Variants in PIK3C2G observed in about 807,000 individuals in gnomAD.
PIK3C2G encodes phosphatidylinositol 3-kinase C2 domain-containing subunit gamma.
A neutral mutation model predicts 181.1 loss-of-function variants in PIK3C2G; 168 were observed. The ratio of observed to expected loss-of-function variants is 0.93; its 90% confidence interval spans 0.82 to 1.05. PIK3C2G has a LOEUF of 1.05. Ranked by LOEUF, PIK3C2G falls within the 50% of genes least tolerant of loss-of-function variation. The pLI is 0.00. For synonymous variants in PIK3C2G, 573 were observed against 592.2 expected (o/e 0.97, Z 0.47); for missense variants, 1,869 against 1,732.8 (o/e 1.08, Z -1.40).
chr12:18,283,184 G>GA (rs1017483562), intron 2 of PIK3C2G, among the ~76,000 whole-genome samples: 3 of 152,082 alleles, frequency 2.0e-5, no homozygotes, highest in African/African-American at 4.8e-5. Flanking sequence ...TTATTGGTAG[G>GA]AAAAAATGCC....
the PIK3C2G span, among the ~76,000 whole-genome samples, chr12:18,711,328 G>C: frequency 7.7e-6 from 1 of 130,602 alleles, no homozygotes; most frequent in South Asian, 2.5e-4. Context: ...GGTGGGAATT[G>C]AACAATGAGA....
intron 26 of PIK3C2G, among the ~76,000 whole-genome samples, chr12:18,557,558 T>C (rs11044182): frequency 0.015 from 2,227 of 152,218 alleles, 62 homozygotes; most frequent in African/African-American, 0.051. Flanking sequence ...CATTGAAAGT[T>C]TTTCCTTTGT....
intron 29 of PIK3C2G, among the ~76,000 whole-genome samples, chr12:18,592,954 C>T (rs574389690): frequency 1.3e-5 from 2 of 152,028 alleles, no homozygotes; most frequent in East Asian, 3.9e-4. Context: ...TATTGTTTCA[C>T]AGTTCTGGAA....
At chr12:18,506,252 T>C (rs767408878) in intron 24 of PIK3C2G, among the ~76,000 whole-genome samples, 21 of 151,742 alleles carry the variant, frequency 1.4e-4, no homozygotes, top group Non-Finnish European at 2.4e-4. Context: ...AGTCTGGAGA[T>C]GGGATGGAGA....
chr12:18,499,233 G>T (rs900223983), intron 22 of PIK3C2G, among the ~76,000 whole-genome samples: 8 of 152,204 alleles, frequency 5.3e-5, no homozygotes, highest in Non-Finnish European at 1.5e-5. Flanking sequence ...ATAGCTGTAA[G>T]ATTTCAGAGG....
chr12:18,565,573 A>C (rs1432698676), intron 28 of PIK3C2G, among the ~76,000 whole-genome samples: 1 of 152,148 alleles, frequency 6.6e-6, no homozygotes, highest in Non-Finnish European at 1.5e-5. Context: ...GATGTTTTCT[A>C]ATCTTTGTTG....
intron 16 of PIK3C2G, among the ~76,000 whole-genome samples, chr12:18,416,189 G>A (rs1463341923): frequency 2.0e-5 from 3 of 152,106 alleles, no homozygotes; most frequent in African/African-American, 7.2e-5. Flanking sequence ...AGGTTGCAGT[G>A]GGCTGAGATT....
the PIK3C2G span, chr12:18,683,032 C>A: frequency 3.1e-5 from 17 of 552,678 alleles, no homozygotes; most frequent in Non-Finnish European, 5.1e-5. Context: ...CAAACAAGAA[C>A]GCCATGCTGG....
intron 18 of PIK3C2G, among the ~76,000 whole-genome samples, chr12:18,434,225 T>C (rs1946319995): frequency 1.3e-5 from 2 of 152,176 alleles, no homozygotes; most frequent in Non-Finnish European, 2.9e-5. Flanking sequence ...TTGGGAGACT[T>C]TTTTATAAGG....
At chr12:18,484,755 G>C (rs1740006317) in intron 18 of PIK3C2G, among the ~76,000 whole-genome samples, 1 of 152,070 alleles carries the variant, frequency 6.6e-6, no homozygotes, top group African/African-American at 2.4e-5. Flanking sequence ...GTAAAATAAA[G>C]TTGCTAACGC....
At chr12:18,663,938 G>T in the PIK3C2G span, among the ~76,000 whole-genome samples, 1 of 152,098 alleles carries the variant, frequency 6.6e-6, no homozygotes, top group Non-Finnish European at 1.5e-5. Context: ...ATAGGCTATG[G>T]ACTTGAATAG....
intron 29 of PIK3C2G, among the ~76,000 whole-genome samples, chr12:18,580,585 G>T (rs531630096): frequency 6.6e-6 from 1 of 152,108 alleles, no homozygotes; most frequent in Non-Finnish European, 1.5e-5. Flanking sequence ...GTAAAGCCAA[G>T]ATTACTTTAC....
At chr12:18,704,622 G>A in the PIK3C2G span, among the ~76,000 whole-genome samples, 18 of 151,980 alleles carry the variant, frequency 1.2e-4, no homozygotes, top group Admixed American at 3.3e-4. Context: ...TCACTGCACC[G>A]GGCCATAGAG....
chr12:18,657,796 A>G, the PIK3C2G span, among the ~76,000 whole-genome samples: 4 of 152,184 alleles, frequency 2.6e-5, no homozygotes, highest in South Asian at 8.3e-4. Context: ...TGTGCAAATA[A>G]TAAGAAAGTA....
intron 31 of PIK3C2G, among the ~76,000 whole-genome samples, chr12:18,623,448 A>G (rs1211573850): frequency 6.6e-6 from 1 of 151,794 alleles, no homozygotes; most frequent in African/African-American, 2.4e-5. Flanking sequence ...ATTTTGTTGT[A>G]TAGTTTGAAA....
At chr12:18,558,365 G>T (rs984042089) in intron 26 of PIK3C2G, among the ~76,000 whole-genome samples, 9 of 152,128 alleles carry the variant, frequency 5.9e-5, no homozygotes, top group Non-Finnish European at 1.2e-4. Context: ...TAGAAAGATT[G>T]TTCAGTCATT....
intron 18 of PIK3C2G, among the ~76,000 whole-genome samples, chr12:18,478,835 C>T (rs553389110): frequency 2.0e-5 from 3 of 151,850 alleles, no homozygotes; most frequent in South Asian, 2.1e-4. Context: ...ATTACCCAGA[C>T]GTGGCGGCGC....
chr12:18,452,827 G>C (rs1327857188), intron 18 of PIK3C2G, among the ~76,000 whole-genome samples: 4 of 152,128 alleles, frequency 2.6e-5, no homozygotes, highest in African/African-American at 7.2e-5. Flanking sequence ...TATTTACCCA[G>C]GAGTCATTCA....
Position 18,346,654 on chromosome 12 carries a change from G to A in PIK3C2G, c.1443G>A (p.Lys481=). The A allele has an allele frequency of 6.2e-7, 1 of 1,603,644 alleles. No individual in the cohort carries two copies. The highest frequency in any genetic ancestry group is 8.5e-7 in the Non-Finnish European group (1 of 1,173,626). ...SETSAKGLIE[K]VTTELSTSIY... ...CTTCCTTTCTAGGCTTGATAGAGAA[G>A]GTAACAACTGAACTATCCACATCCA... Residue 481 remains lysine, a synonymous_variant, in exon 11 of 33, where the codon AAG becomes AAA. Coordinates refer to ENST00000538779, the MANE Select transcript of PIK3C2G (RefSeq NM_001288772.2).
Sources: gnomAD v4.1 joint callset for allele counts (sites outside exome capture counted in the v4.1 genomes callset) on GRCh38, gnomAD v4.1.1 for gene constraint, MANE v1.5 for transcripts, NCBI Gene and HGNC (gene_info 2026-07-23, HGNC 2026-07-21) for gene names.